The following MIGA1 variants were observed in gnomAD, a reference collection of about 807,000 sequenced individuals.
The protein encoded by MIGA1 is family with sequence similarity 73, member A.
Under a neutral mutation model 82.0 loss-of-function variants are expected in MIGA1, and 58 were observed. The ratio of observed to expected loss-of-function variants is 0.71; its 90% CI spans 0.57 to 0.88. MIGA1 has a LOEUF of 0.88. MIGA1 is among the 40% of genes least tolerant of loss of function. MIGA1 has a pLI of 0.00. For missense variants in MIGA1, 751 were observed against 749.1 expected (o/e 1.00, Z -0.03); for synonymous variants, 249 against 253.6 (o/e 0.98, Z 0.17).
chr1:77,835,894 A>G (rs1570977083), intron 7 of MIGA1, among the ~76,000 whole-genome samples: 1 of 152,006 alleles, frequency 6.6e-6, no homozygotes, highest in Admixed American at 6.6e-5. Context: ...GTTGCAGTGA[A>G]CCAAGATCGC....
intron 2 of MIGA1, among the ~76,000 whole-genome samples, chr1:77,797,584 A>C (rs1041195905): frequency 1.3e-5 from 2 of 152,056 alleles, no homozygotes; most frequent in African/African-American, 4.8e-5. Context: ...TGGAGAGAAA[A>C]ATTCCTATAA....
At chr1:77,853,252 A>G (rs895667916) in intron 8 of MIGA1, 3 of 152,238 alleles carry the variant, frequency 2.0e-5, no homozygotes, top group Non-Finnish European at 4.4e-5. Context: ...CTGAATCTCC[A>G]TAAGAGCAGT....
rs1646896520 is a variant in MIGA1, at chr1:77,876,698, G to A, written c.*1634G>A. On this transcript the variant is annotated 3_prime_UTR_variant, in exon 16 of 16. Coordinates refer to ENST00000370791, the MANE Select transcript of MIGA1 (RefSeq NM_198549.4). ...AAATATTCATAGTTTGAATCTTATT[G>A]ACATTTTAAAGAAGAGTTTTTTCCT... is the stretch of plus-strand genomic sequence containing the variant. 2 of 152,058 alleles carry A rather than the reference G, an allele frequency of 1.3e-5. No homozygotes were observed. The highest frequency in any genetic ancestry group is 4.1e-4 in the South Asian group (2 of 4,820). The allele number at this position is 152,058 out of a possible 1,614,324, so 9.4% of individuals were successfully genotyped here.
At chr1:77,816,727 C>T (rs1683586519) in intron 7 of MIGA1, among the ~76,000 whole-genome samples, 1 of 152,102 alleles carries the variant, frequency 6.6e-6, no homozygotes, top group Non-Finnish European at 1.5e-5. Flanking sequence ...TTCGTATCAA[C>T]AAATATAATT....
intron 7 of MIGA1, among the ~76,000 whole-genome samples, chr1:77,824,790 A>G (rs533181278): frequency 6.6e-6 from 1 of 152,126 alleles, no homozygotes; most frequent in African/African-American, 2.4e-5. Flanking sequence ...CAGGGTTTGA[A>G]TTATGTTTTA....
At chr1:77,856,915 G>A (rs961160387) in intron 8 of MIGA1, among the ~76,000 whole-genome samples, 1 of 151,738 alleles carries the variant, frequency 6.6e-6, no homozygotes, top group South Asian at 2.1e-4. Flanking sequence ...TCTTCTTCTG[G>A]GTTTGGGTTT....
At chr1:77,844,666 C>CT (rs1684770436) in intron 8 of MIGA1, among the ~76,000 whole-genome samples, 1 of 152,122 alleles carries the variant, frequency 6.6e-6, no homozygotes, top group African/African-American at 2.4e-5. Context: ...TTTAGGTGCT[C>CT]TTTTTTCATA....
At chr1:77,833,399 C>A (rs979695410) in intron 7 of MIGA1, among the ~76,000 whole-genome samples, 1 of 152,084 alleles carries the variant, frequency 6.6e-6, no homozygotes, top group Non-Finnish European at 1.5e-5. Flanking sequence ...TGGTATTATA[C>A]AAGTTAAAGT....
At chr1:77,846,345 T>G (rs950783708) in intron 8 of MIGA1, among the ~76,000 whole-genome samples, 31 of 152,188 alleles carry the variant, frequency 2.0e-4, no homozygotes, top group Non-Finnish European at 2.4e-4. Flanking sequence ...CTTCCATCTG[T>G]TAAAGATATT....
At chr1:77,868,671 C>T (rs746591434) in intron 14 of MIGA1, 1 of 152,210 alleles carries the variant, frequency 6.6e-6, no homozygotes, top group Admixed American at 6.5e-5. Flanking sequence ...TGAAATTTAT[C>T]TAGTCTGCTT....
At chr1:77,853,874 G>T in intron 8 of MIGA1, 1 of 263,370 alleles carries the variant, frequency 3.8e-6, no homozygotes, top group South Asian at 5.0e-5. Context: ...CCCAGAATAT[G>T]GAGGCACCAG....
intron 1 of MIGA1, chr1:77,782,810 A>G (rs1681981867): frequency 7.4e-6 from 7 of 943,940 alleles, no homozygotes; most frequent in African/African-American, 1.8e-5. Flanking sequence ...ATTCTGTTCC[A>G]GATTCCATTC....
At position 77,840,751 on chromosome 1, in the gene MIGA1, G is replaced by A. The variant is rs147441117; in HGVS notation, c.896-2556G>A. ...CGCTTGAATCTGGGAGGTGGAGGTT[G>A]TGGTGAGCCAAGGTCGCGCCATTGC... On this transcript the variant is annotated intron_variant, in intron 7 of 15. Transcript: ENST00000370791. Among the ~76,000 whole-genome samples, 813 of 152,236 alleles carry A rather than the reference G, an allele frequency of 5.3e-3. 6 individuals are homozygous for A. Among genetic ancestry groups the A allele is most frequent in the African/African-American group, 0.018 (760 of 41,538 alleles).
intron 7 of MIGA1, among the ~76,000 whole-genome samples, chr1:77,829,503 C>G (rs1349225905): frequency 6.6e-6 from 1 of 152,148 alleles, no homozygotes; most frequent in African/African-American, 2.4e-5. Flanking sequence ...GAGTCTCGTT[C>G]TGTCACCTAG....
rs1031658763 is a variant in MIGA1 at position 77,780,190 on chromosome 1, G to C, written c.81+454G>C. ...TGTGGGGTCGGGGGAGAGCGCGCTG[G>C]AGGTAGGGCAGCTGGTGAGGTCTCA... On this transcript the variant is annotated intron_variant, in intron 1 of 15. Transcript: ENST00000370791. 17 of 988,088 alleles carry C rather than the reference G, an allele frequency of 1.7e-5. No homozygotes were observed. In the African/African-American group the frequency reaches 3.0e-4, roughly 17 times the overall value. The allele number at this position is 988,088 out of a possible 1,614,324, so 61.2% of individuals were successfully genotyped here. A position where few individuals can be genotyped will look rare whatever the true frequency, so the allele number is the denominator to read the frequency against.
chr1:77,801,656 A>G (rs1313372004), intron 3 of MIGA1, 148 bp downstream of exon 3: 2 of 673,156 alleles, frequency 3.0e-6, no homozygotes, highest in Non-Finnish European at 4.5e-6. Context: ...AAGATTAGAA[A>G]ATGTAGATAA....
intron 7 of MIGA1, 118 bp from the exon 8 acceptor site, chr1:77,843,189 T>C (rs1684690710): frequency 1.6e-6 from 1 of 607,502 alleles, no homozygotes; most frequent in Non-Finnish European, 2.9e-6. Flanking sequence ...CTGTTTTCTT[T>C]TTGACACTAG....
chr1:77,848,040 C>T (rs1557926622), intron 8 of MIGA1: 1 of 1,287,688 alleles, frequency 7.8e-7, no homozygotes. Context: ...TGCCAGACAC[C>T]ACACGAAAGG....
chr1:77,869,760 G>A (rs1174067671), intron 14 of MIGA1, among the ~76,000 whole-genome samples: 10 of 68,518 alleles, frequency 1.5e-4, no homozygotes, highest in Non-Finnish European at 2.2e-4. Context: ...CCTGCCTCCC[G>A]GACGGGGCGG....
Sources: gnomAD v4.1 joint callset for allele counts (sites outside exome capture counted in the v4.1 genomes callset) on GRCh38, gnomAD v4.1.1 for gene constraint, MANE v1.5 for transcripts, NCBI Gene and HGNC (gene_info 2026-07-23, HGNC 2026-07-21) for gene names.